TERB1: variants seen among roughly 807,000 people sequenced by gnomAD.
The protein encoded by TERB1 is telomere repeats-binding bouquet formation protein 1.
A neutral mutation model predicts 92.3 loss-of-function variants in TERB1; 63 were observed. That is an observed-to-expected ratio of 0.68 (90% CI 0.56 to 0.84). The LOEUF is 0.84. Among genes scored for constraint, TERB1 ranks in the 40% least tolerant of loss-of-function variants. The pLI, the probability that TERB1 is intolerant of heterozygous loss-of-function variation, is 0.00. For synonymous variants in TERB1, 252 were observed against 283.9 expected, an observed-to-expected ratio of 0.89 and a Z score of 1.13; for missense variants, 709 against 843.7, an observed-to-expected ratio of 0.84 and a Z score of 1.98.
At chr16:66,785,564 G>C (rs1460880062) in intron 9 of TERB1, among the ~76,000 whole-genome samples, 1 of 152,056 alleles carries the variant, frequency 6.6e-6, no homozygotes, top group Non-Finnish European at 1.5e-5. Flanking sequence ...CGTTTTATGA[G>C]AGTATCTGGG....
intron 6 of TERB1, among the ~76,000 whole-genome samples, chr16:66,787,004 G>A (rs2018739875): frequency 6.6e-6 from 1 of 152,158 alleles, no homozygotes; most frequent in South Asian, 2.1e-4. Context: ...ACTGAATATG[G>A]TCGTGCTGGG....
chr16:66,755,049 T>C lies in TERB1; in HGVS notation c.2111A>G (p.Gln704Arg), dbSNP rs1234096740. 2.6e-6 allele frequency: 4 copies of C among 1,551,600 alleles called. No individual in the cohort carries two copies. The highest frequency in any genetic ancestry group is 3.5e-6 in the Non-Finnish European group (4 of 1,146,992). Residue 704 changes from glutamine to arginine, a missense_variant, in exon 19 of 19, where the codon CAA (glutamine) becomes CGA (arginine). By Grantham distance (43) the Gln-to-Arg change is conservative. Coordinates refer to ENST00000433154, the MANE Select transcript of TERB1 (RefSeq NM_001136505.2). ...AGCAAGGTCCACAGCCTTCCGTCCTTGCTGAAAGGGGAAAGACCACAAAAT... is the reference window on the plus strand; with the variant it reads ...AGCAAGGTCCACAGCCTTCCGTCCTCGCTGAAAGGGGAAAGACCACAAAAT... ...NSILWSFPFQ[Q>R]GRKAVDLAHK...
chr16:66,779,124 A>G, intron 9 of TERB1, 109 bp from the exon 10 acceptor site: 2 of 791,650 alleles, frequency 2.5e-6, no homozygotes, highest in Non-Finnish European at 3.5e-6. Context: ...AATACTTTCT[A>G]AAAATCCCAA....
chr16:66,764,761 C>T (rs1165151065), intron 16 of TERB1, among the ~76,000 whole-genome samples: 3 of 152,166 alleles, frequency 2.0e-5, no homozygotes, highest in African/African-American at 7.2e-5. Context: ...GGAGACCAGA[C>T]AAATAGTGGC....
chr16:66,763,698 C>A (rs1259740658), intron 16 of TERB1, among the ~76,000 whole-genome samples: 1 of 152,096 alleles, frequency 6.6e-6, no homozygotes, highest in Non-Finnish European at 1.5e-5. Context: ...ACGTAACAAA[C>A]CTGCACATCC....
chr16:66,779,320 G>A (rs988543005), intron 9 of TERB1, among the ~76,000 whole-genome samples: 2 of 152,124 alleles, frequency 1.3e-5, no homozygotes, highest in Non-Finnish European at 2.9e-5. Flanking sequence ...CCTTTAGGCC[G>A]AGCATGGTGG....
chr16:66,763,034 A>G (rs1197779370), intron 16 of TERB1, among the ~76,000 whole-genome samples: 4 of 152,082 alleles, frequency 2.6e-5, no homozygotes, highest in East Asian at 3.9e-4. Flanking sequence ...CTAAAAATTC[A>G]TGCTTAATAT....
Position 66,775,148 on chromosome 16 carries a change from T to C in TERB1, c.1081A>G (p.Thr361Ala). 1 of 1,551,656 alleles carries C rather than the reference T, an allele frequency of 6.4e-7. No homozygotes were observed. Among genetic ancestry groups the C allele is most frequent in the Non-Finnish European group, 8.7e-7 (1 of 1,146,968 alleles). ...SQNEELNKAA[T>A]FVLHNCKKIT... is the part of the protein sequence containing the mutation. ...TTTTTGCAGTTGTGAAGCACAAATG[T>C]GGCAGCTTTGTTCAGTTCCTCATTC... Residue 361 changes from threonine (T) to alanine (A), a missense_variant, in exon 12 of 19, where the codon ACA becomes GCA. Physicochemically the swap from Thr to Ala is moderately conservative, Grantham distance 58. Transcript: ENST00000433154.
intron 11 of TERB1, among the ~76,000 whole-genome samples, chr16:66,776,870 G>C (rs752746023): frequency 2.6e-5 from 4 of 151,872 alleles, no homozygotes; most frequent in Admixed American, 6.6e-5. Flanking sequence ...TAGAAGGGAA[G>C]GAGCTTTCTC....
At chr16:66,792,999 T>G (rs1256912972) in intron 3 of TERB1, among the ~76,000 whole-genome samples, 5 of 151,438 alleles carry the variant, frequency 3.3e-5, no homozygotes, top group Non-Finnish European at 5.9e-5. Context: ...AAATTTTATT[T>G]TATTTTATAA....
At chr16:66,785,948 T>C (rs1055465632) in intron 8 of TERB1, 40 bp from the exon 9 acceptor site, 133 of 1,528,830 alleles carry the variant, frequency 8.7e-5, no homozygotes, top group Non-Finnish European at 1.1e-4. Context: ...AATATGACAA[T>C]TGGAAAATAT....
At chr16:66,800,874 G>C (rs532673802) in intron 2 of TERB1, 103 bp downstream of exon 2, 60 of 152,328 alleles carry the variant, frequency 3.9e-4, no homozygotes, top group African/African-American at 1.4e-3. Context: ...TAAATCCTCA[G>C]GGCCTCCTCC....
In TERB1 at chr16:66,768,155, T is replaced by TA; in HGVS notation, c.1632dup (p.Lys545Ter). On this transcript the variant is annotated frameshift_variant, in exon 15 of 19. Transcript: ENST00000433154. LOFTEE classifies it high-confidence loss of function. ...TTTTTGGCAATGTGAACTGGGTGTTTAAAAACATGGTCACTAAAAGAAAAT... is the reference window on the plus strand; with the variant it reads ...TTTTTGGCAATGTGAACTGGGTGTTTAAAAAACATGGTCACTAAAAGAAAAT... 1 of 1,549,348 alleles carries TA rather than the reference T, an allele frequency of 6.5e-7. No individual in the cohort carries two copies. Among genetic ancestry groups the TA allele is most frequent in the Non-Finnish European group, 8.7e-7 (1 of 1,144,928 alleles).
intron 2 of TERB1, among the ~76,000 whole-genome samples, chr16:66,798,168 T>C (rs754460693): frequency 1.3e-4 from 19 of 143,698 alleles, no homozygotes; most frequent in Non-Finnish European, 1.9e-4. Context: ...AATGTACAAG[T>C]ATATTATTTT....
At position 66,759,223 on chromosome 16, in the gene TERB1, G is replaced by A. The variant is rs1597006410; in HGVS notation, c.1848C>T (p.Tyr616=). ...NFSKLLHSCP[Y]QCDRHKVIVE... is the part of the protein sequence containing the mutation. ...CAATGACTTTGTGACGATCACATTG[G>A]TATGGGCAAGAGTGCAAGAGCTTGC... The change falls in exon 17 of 19, where the codon TAC becomes TAT. Residue 616 remains tyrosine (Y), a synonymous_variant. Coordinates refer to ENST00000433154, the MANE Select transcript of TERB1 (RefSeq NM_001136505.2). The A allele has an allele frequency of 4.5e-6, 7 of 1,550,992 alleles. No homozygotes were observed. The highest frequency in any genetic ancestry group is 4.1e-5 in the African/African-American group (3 of 73,112).
Position 66,755,141 on chromosome 16 carries a change from G to C in TERB1, c.2019C>G (p.Asn673Lys). 1 of 1,544,680 alleles carries C rather than the reference G, an allele frequency of 6.5e-7. No individual in the cohort carries two copies. The highest frequency in any genetic ancestry group is 8.8e-7 in the Non-Finnish European group (1 of 1,141,630). The change falls in exon 19 of 19, where the codon AAC (asparagine) becomes AAG (lysine). Residue 673 changes from asparagine to lysine, a missense_variant. Transcript: ENST00000433154. The stretch of plus-strand genomic sequence containing the variant: ...GGTAATTTACTTCTTCTTCAGTAAA[G>C]TTTTTGCGAATTCTTCTTTTTTCTA... ...GGIKKRRIRK[N>K]FTEEEVNYLF...
intron 3 of TERB1, among the ~76,000 whole-genome samples, chr16:66,791,246 T>C (rs2018830290): frequency 6.6e-6 from 1 of 152,002 alleles, no homozygotes; most frequent in Admixed American, 6.6e-5. Context: ...TTTTTATAAA[T>C]ATAGGAATAG....
chr16:66,766,282 G>A (rs2145097376), intron 16 of TERB1, among the ~76,000 whole-genome samples: 1 of 151,290 alleles, frequency 6.6e-6, no homozygotes, highest in East Asian at 1.9e-4. Flanking sequence ...TTAAAATGTG[G>A]AGAAAAAAAA....
At chr16:66,776,136 C>T (rs900538183) in intron 11 of TERB1, among the ~76,000 whole-genome samples, 2 of 151,916 alleles carry the variant, frequency 1.3e-5, no homozygotes, top group Non-Finnish European at 2.9e-5. Flanking sequence ...TCGAGACCAG[C>T]CTGACCAACA....
Sources: allele counts gnomAD v4.1 joint callset (sites outside exome capture counted in the v4.1 genomes callset), GRCh38; gene constraint gnomAD v4.1.1; transcripts MANE v1.5; gene names NCBI Gene and HGNC (gene_info 2026-07-23, HGNC 2026-07-21).